The following PFKFB3 variants were observed in gnomAD, a reference collection of about 807,000 sequenced individuals.
PFKFB3 encodes the protein 6-phosphofructo-2-kinase/fructose-2,6-bisphosphatase 3.
In PFKFB3, 33 loss-of-function variants were observed where a neutral mutation model predicts 68.0. The ratio of observed to expected loss-of-function variants is 0.49; its 90% CI spans 0.37 to 0.65. The LOEUF is 0.65. Ranked by LOEUF, PFKFB3 falls within the 30% of genes least tolerant of loss-of-function variation. PFKFB3 has a pLI of 0.00. For synonymous variants in PFKFB3, 315 were observed against 288.2 expected (o/e 1.09, Z -0.94); for missense variants, 586 against 712.2 (o/e 0.82, Z 2.02).
intron 1 of PFKFB3, among the ~76,000 whole-genome samples, chr10:6,163,630 G>A (rs1429983920): frequency 6.6e-6 from 1 of 152,042 alleles, no homozygotes; most frequent in African/African-American, 2.4e-5. Context: ...GGTGCACCTC[G>A]GGCGCCTAAG....
chr10:6,222,780 G>C (rs1410527893), intron 10 of PFKFB3, 75 bp from the exon 11 acceptor site: 1 of 1,510,320 alleles, frequency 6.6e-7, no homozygotes, highest in African/African-American at 1.4e-5. Context: ...TGGCCGGTCT[G>C]ATGCAGTCTG....
chr10:6,228,512 C>T lies in PFKFB3; in HGVS notation c.1515+2147C>T, dbSNP rs541423011. Among the ~76,000 whole-genome samples, 74 of 152,132 alleles carry T rather than the reference C, an allele frequency of 4.9e-4. No individual in the cohort carries two copies. Among genetic ancestry groups the T allele is most frequent in the South Asian group, 2.3e-3 (11 of 4,804 alleles). On this transcript the variant is annotated intron_variant, in intron 14 of 14. Coordinates refer to ENST00000379775, the MANE Select transcript of PFKFB3 (RefSeq NM_004566.4). The surrounding 1 kb of genome is among the most constrained non-coding windows in gnomAD (Gnocchi z 4.5). Reference sequence around the variant, plus strand: ...GCTGCAGGTCGTGGTGTGTAATGGCCGTGGTTTAGGGCTCGGCATAAATCC... The same window carrying T: ...GCTGCAGGTCGTGGTGTGTAATGGCTGTGGTTTAGGGCTCGGCATAAATCC...
At chr10:6,151,467 A>G (rs1841584764) in intron 1 of PFKFB3, among the ~76,000 whole-genome samples, 1 of 152,150 alleles carries the variant, frequency 6.6e-6, no homozygotes, top group Non-Finnish European at 1.5e-5. Flanking sequence ...GATTTCCCAG[A>G]GGCTGTGGCC....
At position 6,217,205 on chromosome 10, in the gene PFKFB3, G is replaced by A. The variant is rs1844642685; in HGVS notation, c.498+14G>A. On this transcript the variant is annotated intron_variant, in intron 6 of 14. Coordinates refer to ENST00000379775, the MANE Select transcript of PFKFB3 (RefSeq NM_004566.4). Reference sequence around the variant, plus strand: ...TCCAATATCATGGTAAGACAGCCGGGAGCCCCGTGCTTCTGCGGCAGCGTA... The same window carrying A: ...TCCAATATCATGGTAAGACAGCCGGAAGCCCCGTGCTTCTGCGGCAGCGTA... 1.2e-6 allele frequency: 2 copies of A among 1,612,368 alleles called. No homozygotes were observed. The highest frequency in any genetic ancestry group is 1.7e-6 in the Non-Finnish European group (2 of 1,178,348).
chr10:6,230,440 A>C, intron 14 of PFKFB3, among the ~76,000 whole-genome samples: 1 of 152,168 alleles, frequency 6.6e-6, no homozygotes, highest in Non-Finnish European at 1.5e-5. Context: ...CTCATCTGTA[A>C]TATGGAGATA....
chr10:6,270,768 G>A, the PFKFB3 span, among the ~76,000 whole-genome samples: 2,164 of 152,224 alleles, frequency 0.014, 62 homozygotes, highest in African/African-American at 0.048. Flanking sequence ...GACACCCAGA[G>A]TTGCAGTTTC....
rs41291287 is a variant in PFKFB3 at position 6,233,483 on chromosome 10, G to C, written c.*541G>C. 10,392 of 152,798 alleles carry C rather than the reference G, an allele frequency of 0.068. 384 individuals carry two copies. Among genetic ancestry groups the C allele is most frequent in the African/African-American group, 0.099 (4,096 of 41,578 alleles). 9.5% of individuals were successfully genotyped at this position (152,798 alleles called of 1,614,324 possible). Reference sequence around the variant, plus strand: ...GAACTTGGACAGGTGTTGGGTTGAGGCCTCTTCTGCAGGAAGTCCCTGAGC... The same window carrying C: ...GAACTTGGACAGGTGTTGGGTTGAGCCCTCTTCTGCAGGAAGTCCCTGAGC... On this transcript the variant is annotated 3_prime_UTR_variant, in exon 15 of 15. Transcript: ENST00000379775.
In PFKFB3 at chr10:6,215,693, G is replaced by A. The variant is rs1021464420; in HGVS notation, c.299+376G>A. ...CAAGTCCTGTTCATCGGGAGTGTCT[G>A]TTTATGTTTGGAAAGGATTTCTTGT... On this transcript the variant is annotated intron_variant, in intron 3 of 14. Transcript: ENST00000379775. This position sits in a 1 kb window ranked among gnomAD's most constrained non-coding sequence, Gnocchi z 4.3. Among the ~76,000 whole-genome samples, 1 of 152,224 alleles carries A rather than the reference G, an allele frequency of 6.6e-6. No homozygotes were observed. The highest frequency in any genetic ancestry group is 1.5e-5 in the Non-Finnish European group (1 of 68,036).
rs1273984586 is a variant in PFKFB3, at chr10:6,234,517, C to T, written c.*1575C>T. ...TCATGCTGAACCATTCAAGCCCTCC[C>T]CGCCCGTTGCACCCACTTTGGCTGG... On this transcript the variant is annotated 3_prime_UTR_variant, in exon 15 of 15. Transcript: ENST00000379775. The T allele has an allele frequency of 4.6e-5, 7 of 152,286 alleles. No individual in the cohort carries two copies. Among genetic ancestry groups the T allele is most frequent in the African/African-American group, 1.4e-4 (6 of 41,406 alleles). 9.4% of individuals were successfully genotyped at this position (152,286 alleles called of 1,614,324 possible).
chr10:6,228,443 C>T lies in PFKFB3; in HGVS notation c.1515+2078C>T, dbSNP rs572406521. On this transcript the variant is annotated intron_variant, in intron 14 of 14. Transcript: ENST00000379775. This position sits in a 1 kb window ranked among gnomAD's most constrained non-coding sequence, Gnocchi z 4.5. ...GGCTGCACTACTGTTGGGTGTGTTCCGACACCGCCGCACGACCGCTGGCTT... is the reference window on the plus strand; with the variant it reads ...GGCTGCACTACTGTTGGGTGTGTTCTGACACCGCCGCACGACCGCTGGCTT... 1.2e-4 allele frequency: 77 copies of T among 624,136 alleles called. No individual in the cohort carries two copies. Among genetic ancestry groups the T allele is most frequent in the African/African-American group, 4.2e-4 (23 of 55,154 alleles). The allele number at this position is 624,136 out of a possible 1,614,324, so 38.7% of individuals were successfully genotyped here. A position where few individuals can be genotyped will look rare whatever the true frequency, so the allele number is the denominator to read the frequency against.
intron 1 of PFKFB3, among the ~76,000 whole-genome samples, chr10:6,183,614 A>AAAAAAAAAAT (rs1242752213): frequency 3.2e-5 from 3 of 93,952 alleles, no homozygotes; most frequent in African/African-American, 6.8e-5. Flanking sequence ...AAAAAAAAAA[A>AAAAAAAAAAT]ATATATATAT....
upstream of PFKFB3, among the ~76,000 whole-genome samples, chr10:6,200,772 C>G (rs1259523180): frequency 1.3e-5 from 2 of 151,378 alleles, no homozygotes; most frequent in Non-Finnish European, 2.9e-5. Context: ...AGTCTTCCCT[C>G]TAGACTCGGA....
chr10:6,231,549 T>C, intron 14 of PFKFB3: 1 of 985,352 alleles, frequency 1.0e-6, no homozygotes, highest in Non-Finnish European at 1.2e-6. Context: ...TCTCCACTGT[T>C]ATTGTTGCAT....
chr10:6,266,442 C>G, the PFKFB3 span, among the ~76,000 whole-genome samples: 7 of 152,274 alleles, frequency 4.6e-5, no homozygotes, highest in South Asian at 1.5e-3. Flanking sequence ...AGCTCTAAGA[C>G]TGTCGATGTC....
At chr10:6,259,609 T>TCCATCCATCCAC (rs1564239597), downstream of PFKFB3, among the ~76,000 whole-genome samples, 37 of 148,438 alleles carry the variant, frequency 2.5e-4, no homozygotes, top group African/African-American at 9.1e-4. Context: ...CATCCATCCA[T>TCCATCCATCCAC]CCATCCATCC....
chr10:6,225,978 A>G (rs769979550), intron 13 of PFKFB3, among the ~76,000 whole-genome samples: 12 of 152,166 alleles, frequency 7.9e-5, no homozygotes, highest in African/African-American at 2.7e-4. Context: ...CATCCGAGGA[A>G]GGGGGCATGG....
At chr10:6,285,238 T>TTG in the PFKFB3 span, among the ~76,000 whole-genome samples, 1 of 151,350 alleles carries the variant, frequency 6.6e-6, no homozygotes, top group Non-Finnish European at 1.5e-5. Context: ...TTTTTTTTTT[T>TTG]GTCTTTTTTT....
the PFKFB3 span, among the ~76,000 whole-genome samples, chr10:6,311,558 G>A: frequency 6.6e-6 from 1 of 152,028 alleles, no homozygotes; most frequent in Non-Finnish European, 1.5e-5. Context: ...AGACCAGCCT[G>A]GCCAACATGG....
In PFKFB3 at chr10:6,192,503, T is replaced by C. The variant is rs368410317; in HGVS notation, c.17-21120T>C. ...GCCAGCCTAGGGTTGCTCCGTGGCA[T>C]GTGTTTACACTGCAGTCATGGGCCG... On this transcript the variant is annotated intron_variant, in intron 1 of 14. Coordinates refer to the PFKFB3 transcript ENST00000379789. Among the ~76,000 whole-genome samples, 16 of 152,162 alleles carry C rather than the reference T, an allele frequency of 1.1e-4. No homozygotes were observed. In the East Asian group the frequency reaches 1.5e-3, roughly 15 times the overall value.
Sources: gnomAD v4.1 joint callset for allele counts (sites outside exome capture counted in the v4.1 genomes callset) on GRCh38, gnomAD v4.1.1 for gene constraint, Gnocchi (gnomAD v3.1) non-coding constraint, MANE v1.5 for transcripts, NCBI Gene and HGNC (gene_info 2026-07-23, HGNC 2026-07-21) for gene names.